Variants in HYAL3 observed in about 807,000 individuals in gnomAD.
HYAL3 encodes the protein hyaluronidase-3.
In HYAL3, 25 loss-of-function variants were observed where a neutral mutation model predicts 29.6. The ratio of observed to expected loss-of-function variants is 0.85; its 90% CI spans 0.62 to 1.18. HYAL3 has a LOEUF of 1.18. Ranked by LOEUF, HYAL3 falls within the 50% of genes most tolerant of loss-of-function variation. The pLI is 0.00. For synonymous variants in HYAL3, 215 were observed against 218.3 expected (o/e 0.99, Z 0.13); for missense variants, 442 against 548.4 (o/e 0.81, Z 1.94).
rs782407896 is a variant in HYAL3 at position 50,297,255 on chromosome 3, T to G, written c.-17-1636A>C. ...GAGGTCAGCACAAGCATCCAGGAGC[T>G]CGGGTCGGCGGTGCACAGGCTCCAG... On this transcript the variant is annotated intron_variant, in intron 1 of 3. Transcript: ENST00000336307. This position sits in a 1 kb window ranked among gnomAD's most constrained non-coding sequence, Gnocchi z 4.3. 44 of 1,610,634 alleles carry G rather than the reference T, an allele frequency of 2.7e-5. No individual in the cohort carries two copies. Among genetic ancestry groups the G allele is most frequent in the Non-Finnish European group, 3.7e-5 (44 of 1,177,790 alleles).
In HYAL3 at chr3:50,292,924, C is replaced by T. The variant is rs781852345; in HGVS notation, c.*322G>A. ...CAAGATTTTTTGGGGCCCATCTGCCCGTGCACGGCCCATCTGTGACCTCTC... is the reference window on the plus strand; with the variant it reads ...CAAGATTTTTTGGGGCCCATCTGCCTGTGCACGGCCCATCTGTGACCTCTC... On this transcript the variant is annotated 3_prime_UTR_variant, in exon 4 of 4. Transcript: ENST00000336307. The T allele has an allele frequency of 6.6e-7, 1 of 1,514,000 alleles. No homozygotes were observed. The highest frequency in any genetic ancestry group is 1.1e-5 in the South Asian group (1 of 89,482). The allele number at this position is 1,514,000 out of a possible 1,614,324, so 93.8% of individuals were successfully genotyped here.
rs189065354 is a variant in HYAL3 at position 50,294,797 on chromosome 3, C to T, written c.806G>A (p.Arg269His). Residue 269 changes from arginine to histidine, a missense_variant, in exon 2 of 4, where the codon CGT becomes CAT. By Grantham distance (29) the Arg-to-His change is conservative. Coordinates refer to ENST00000336307, the MANE Select transcript of HYAL3 (RefSeq NM_003549.4). ...FVRHRLEEAF[R>H]VALVGHRHPL... ...ATGTCGGTGCCCAACAAGGGCCACA[C>T]GGAAGGCCTCCTCCAGGCGATGTCG... The T allele has an allele frequency of 6.4e-5, 98 of 1,520,628 alleles. No homozygotes were observed. In the Admixed American group the frequency reaches 1.7e-3, roughly 26 times the overall value. 94.2% of individuals were successfully genotyped at this position (1,520,628 alleles called of 1,614,324 possible).
At position 50,295,297 on chromosome 3, in the gene HYAL3, G is replaced by A; in HGVS notation, c.306C>T (p.Asp102=). ...GGTAGGCAGCCAGTGCCAGGTGGCG[G>A]TCAAGGGGCAAAGCCTGGGGGATGC... ...NGGIPQALPL[D]RHLALAAYQI... Residue 102 remains aspartate (D), a synonymous_variant, in exon 2 of 4, where the codon GAC becomes GAT. Transcript: ENST00000336307. 6.2e-7 allele frequency: 1 copy of A among 1,614,120 alleles called. No homozygotes were observed. Among genetic ancestry groups the A allele is most frequent in the Non-Finnish European group, 8.5e-7 (1 of 1,180,018 alleles).
chr3:50,293,574 C>T (rs782261552), intron 3 of HYAL3, 58 bp downstream of exon 3: 2 of 1,611,714 alleles, frequency 1.2e-6, no homozygotes, highest in Non-Finnish European at 1.7e-6. Flanking sequence ...ACATGGCCGT[C>T]CCCCACCCTG....
chr3:50,299,152 T>C (rs1416491975), intron 1 of HYAL3, 61 bp downstream of exon 1: 14 of 1,613,684 alleles, frequency 8.7e-6, no homozygotes, highest in South Asian at 2.2e-5. Flanking sequence ...GCATGGCCAC[T>C]TGGGGACCGC....
rs1575502144 is a variant in HYAL3, at chr3:50,297,072, T to C, written c.-17-1453A>G. The C allele has an allele frequency of 1.3e-6, 2 of 1,538,386 alleles. No homozygotes were observed. The highest frequency in any genetic ancestry group is 2.5e-5 in the South Asian group (2 of 79,160). The stretch of plus-strand genomic sequence containing the variant: ...CTCCACTAAGAGGCTCTGGGGCTGG[T>C]TCAGCACCCGTGACAGGCGGGCATG... On this transcript the variant is annotated intron_variant, in intron 1 of 3. Coordinates refer to ENST00000336307, the MANE Select transcript of HYAL3 (RefSeq NM_003549.4). This position sits in a 1 kb window ranked among gnomAD's most constrained non-coding sequence, Gnocchi z 4.3.
chr3:50,296,928 T>C lies in HYAL3; in HGVS notation c.-17-1309A>G, dbSNP rs200891601. Reference sequence around the variant, plus strand: ...GCCCAGGTGGGTATAGAAGTGCACCTGGTCATGGGTGGTGAGATGCAGCTT... The same window carrying C: ...GCCCAGGTGGGTATAGAAGTGCACCCGGTCATGGGTGGTGAGATGCAGCTT... On this transcript the variant is annotated intron_variant, in intron 1 of 3. Transcript: ENST00000336307. 11 of 1,609,066 alleles carry C rather than the reference T, an allele frequency of 6.8e-6. No homozygotes were observed. The African/African-American group carries it at 1.2e-4, about 18-fold the overall frequency.
Position 50,295,214 on chromosome 3 carries a change from T to A in HYAL3, c.389A>T (p.Glu130Val). 6.2e-7 allele frequency: 1 copy of A among 1,613,506 alleles called. No individual in the cohort carries two copies. The highest frequency in any genetic ancestry group is 8.5e-7 in the Non-Finnish European group (1 of 1,180,004). The change falls in exon 2 of 4, where the codon GAG becomes GTG. Residue 130 changes from glutamate to valine, a missense_variant. Physicochemically the swap from Glu to Val is moderately radical, Grantham distance 121 (BLOSUM62 -2). Coordinates refer to ENST00000336307, the MANE Select transcript of HYAL3 (RefSeq NM_003549.4). Reference protein sequence around the residue: ...FAGPAVLDWEEWCPLWAGNWG... With the variant: ...FAGPAVLDWEVWCPLWAGNWG... ...GTTCCCAGCCCAGAGTGGACACCAC[T>A]CCTCCCAATCCAGCACTGCTGGGCC...
Position 50,295,240 on chromosome 3 carries a change from A to G in HYAL3, c.363T>C (p.Ala121=). The change falls in exon 2 of 4, where the codon GCT becomes GCC. Residue 121 remains alanine (A), a synonymous_variant. Coordinates refer to ENST00000336307, the MANE Select transcript of HYAL3 (RefSeq NM_003549.4). The part of the protein sequence containing the change: ...QIHHSLRPGF[A]GPAVLDWEEW... ...CCTCCCAATCCAGCACTGCTGGGCC[A>G]GCAAAGCCAGGTCTCAGGCTGTGGT... 1 of 1,613,870 alleles carries G rather than the reference A, an allele frequency of 6.2e-7. No individual in the cohort carries two copies. The highest frequency in any genetic ancestry group is 1.1e-5 in the South Asian group (1 of 91,090).
Position 50,297,158 on chromosome 3 carries a change from G to A in HYAL3, c.-17-1539C>T, listed in dbSNP as rs2109291693. 6.2e-7 allele frequency: 1 copy of A among 1,602,342 alleles called. No homozygotes were observed. The highest frequency in any genetic ancestry group is 2.2e-5 in the East Asian group (1 of 44,686). On this transcript the variant is annotated intron_variant, in intron 1 of 3. Coordinates refer to ENST00000336307, the MANE Select transcript of HYAL3 (RefSeq NM_003549.4). This position sits in a 1 kb window ranked among gnomAD's most constrained non-coding sequence, Gnocchi z 4.3. Reference sequence around the variant, plus strand: ...GGGGGCTTAGCAGCATCAGGCAGAGGGGGAAGGCATCTGAGGACTGGCCCA... The same window carrying A: ...GGGGGCTTAGCAGCATCAGGCAGAGAGGGAAGGCATCTGAGGACTGGCCCA...
At position 50,297,292 on chromosome 3, in the gene HYAL3, C is replaced by T. The variant is rs782545983; in HGVS notation, c.-17-1673G>A. 6 of 1,603,328 alleles carry T rather than the reference C, an allele frequency of 3.7e-6. No individual in the cohort carries two copies. Among genetic ancestry groups the T allele is most frequent in the Non-Finnish European group, 5.1e-6 (6 of 1,172,956 alleles). ...TGCACAGGCTCCAGGGTCAACTCAG[C>T]CAGGCTAGGAGCTGGGGTCTCCTCT... On this transcript the variant is annotated intron_variant, in intron 1 of 3. Transcript: ENST00000336307. The surrounding 1 kb of genome is among the most constrained non-coding windows in gnomAD (Gnocchi z 4.3).
In HYAL3 at chr3:50,297,579, T is replaced by G. The variant is rs782050318; in HGVS notation, c.-18+1634A>C. ...AGTCAGGCTGGGAGCCAAGGTCACC[T>G]GCTGCTAGGTTGCAGGTGGCTCAGT... On this transcript the variant is annotated intron_variant, in intron 1 of 3. Transcript: ENST00000336307. The surrounding 1 kb of genome is among the most constrained non-coding windows in gnomAD (Gnocchi z 4.3). 30 of 1,492,062 alleles carry G rather than the reference T, an allele frequency of 2.0e-5. No individual in the cohort carries two copies. Among genetic ancestry groups the G allele is most frequent in the Admixed American group, 2.4e-5 (1 of 42,390 alleles). 92.4% of individuals were successfully genotyped at this position (1,492,062 alleles called of 1,614,324 possible). A position where few individuals can be genotyped will look rare whatever the true frequency, so the allele number is the denominator to read the frequency against.
In HYAL3 at chr3:50,295,237, G is replaced by A. The variant is rs1448326806; in HGVS notation, c.366C>T (p.Gly122=). The A allele has an allele frequency of 6.2e-7, 1 of 1,613,802 alleles. No homozygotes were observed. The highest frequency in any genetic ancestry group is 8.5e-7 in the Non-Finnish European group (1 of 1,180,018). Residue 122 remains glycine, a synonymous_variant, in exon 2 of 4, where the codon GGC becomes GGT. Transcript: ENST00000336307. The part of the protein sequence containing the change: ...IHHSLRPGFA[G]PAVLDWEEWC... ...ACTCCTCCCAATCCAGCACTGCTGG[G>A]CCAGCAAAGCCAGGTCTCAGGCTGT...
rs782519762 is a variant in HYAL3, at chr3:50,293,126, C to A, written c.*120G>T. ...TACCCCTCAGGGATTCCAAGGGAAG[C>A]GGGGTGTGTGCTTGGGAGGGTTGAC... is the stretch of plus-strand genomic sequence containing the variant. On this transcript the variant is annotated 3_prime_UTR_variant, in exon 4 of 4. Coordinates refer to ENST00000336307, the MANE Select transcript of HYAL3 (RefSeq NM_003549.4). 288 of 1,509,984 alleles carry A rather than the reference C, an allele frequency of 1.9e-4. No individual in the cohort carries two copies. Among genetic ancestry groups the A allele is most frequent in the Non-Finnish European group, 2.5e-4 (269 of 1,089,756 alleles). The allele number at this position is 1,509,984 out of a possible 1,614,324, so 93.5% of individuals were successfully genotyped here. A position where few individuals can be genotyped will look rare whatever the true frequency, so the allele number is the denominator to read the frequency against.
At position 50,293,716 on chromosome 3, in the gene HYAL3, G is replaced by A. The variant is rs782566977; in HGVS notation, c.900C>T (p.Asp300=). 2 of 1,613,626 alleles carry A rather than the reference G, an allele frequency of 1.2e-6. No homozygotes were observed. The highest frequency in any genetic ancestry group is 3.3e-5 in the Admixed American group (2 of 60,022). Residue 300 remains aspartate (D), a synonymous_variant, in exon 3 of 4, where the codon GAC becomes GAT. Coordinates refer to ENST00000336307, the MANE Select transcript of HYAL3 (RefSeq NM_003549.4). ...CACTCACACCAATGGACTGCACAAG[G>A]TCATCCTGGAGGCAGAGAGCTGCTA... The part of the protein sequence containing the change: ...RRSGRFLSQD[D]LVQSIGVSAA...
rs1701777930 is a variant in HYAL3 at position 50,294,868 on chromosome 3, G to A, written c.735C>T (p.Ile245=). Residue 245 remains isoleucine (I), a synonymous_variant, in exon 2 of 4, where the codon ATC becomes ATT. Transcript: ENST00000336307. ...CAGGTGGCAGCCTGGGTGGGAGGTA[G>A]ATGCTGGGGAAGAGGGCACTGGAGG... ...WAASSALFPS[I]YLPPRLPPAH... is the part of the protein sequence containing the mutation. The A allele has an allele frequency of 2.6e-6, 4 of 1,548,534 alleles. No individual in the cohort carries two copies. The African/African-American group carries it at 4.1e-5, about 16-fold the overall frequency.
intron 1 of HYAL3, chr3:50,296,695 C>T: frequency 1.2e-6 from 2 of 1,613,302 alleles, no homozygotes; most frequent in East Asian, 2.2e-5. Flanking sequence ...CCTGATGGAA[C>T]TGGGGGTGAG....
In HYAL3 at chr3:50,293,654, T is replaced by G; in HGVS notation, c.962A>C (p.Asp321Ala). ...LGAAGVVLWG[D>A]LSLSSSEEEC... ...CACCTCAGAGCTGGAGAGGCTCAGG[T>G]CCCCCCAGAGCACCACGCCGGCTGC... is the stretch of plus-strand genomic sequence containing the variant. Residue 321 changes from aspartate (D) to alanine (A), a missense_variant, in exon 3 of 4, where the codon GAC (aspartate) becomes GCC (alanine). Coordinates refer to ENST00000336307, the MANE Select transcript of HYAL3 (RefSeq NM_003549.4). 1 of 1,613,472 alleles carries G rather than the reference T, an allele frequency of 6.2e-7. No homozygotes were observed. Among genetic ancestry groups the G allele is most frequent in the Non-Finnish European group, 8.5e-7 (1 of 1,179,930 alleles).
rs1480369420 is a variant in HYAL3 at position 50,297,220 on chromosome 3, G to C, written c.-17-1601C>G. ...CGGGAGGTGCGGCTGCGGGGCCACT[G>C]ATCATTGATGAGGTCAGCACAAGCA... On this transcript the variant is annotated intron_variant, in intron 1 of 3. Transcript: ENST00000336307. The surrounding 1 kb of genome is among the most constrained non-coding windows in gnomAD (Gnocchi z 4.3). The C allele has an allele frequency of 1.9e-5, 31 of 1,612,832 alleles. No individual in the cohort carries two copies. The highest frequency in any genetic ancestry group is 2.5e-5 in the Non-Finnish European group (29 of 1,179,380).
Sources: gnomAD v4.1 joint callset for allele counts on GRCh38, gnomAD v4.1.1 for gene constraint, Gnocchi (gnomAD v3.1) non-coding constraint, MANE v1.5 for transcripts, NCBI Gene and HGNC (gene_info 2026-07-23, HGNC 2026-07-21) for gene names.